C12orf42: variants seen among roughly 807,000 people sequenced by gnomAD.
C12orf42 encodes the protein chromosome 12 open reading frame 42.
In C12orf42, 25 loss-of-function variants were observed where a neutral mutation model predicts 21.6. The ratio of observed to expected loss-of-function variants is 1.16; its 90% CI spans 0.84 to 1.62. The LOEUF (loss-of-function observed/expected upper bound fraction) is 1.62. C12orf42 is among the 40% of genes most tolerant of loss of function. C12orf42 has a pLI of 0.00. For synonymous variants in C12orf42, 174 were observed against 175.0 expected, an observed-to-expected ratio of 0.99 and a Z score of 0.05; for missense variants, 483 against 459.3, an observed-to-expected ratio of 1.05 and a Z score of -0.47.
intron 3 of C12orf42, among the ~76,000 whole-genome samples, 163 bp downstream of exon 3, chr12:103,401,444 A>G (rs2047982626): frequency 6.6e-6 from 1 of 152,208 alleles, no homozygotes; most frequent in East Asian, 1.9e-4. Flanking sequence ...AAAGTTTTCT[A>G]GGAAATGTCT....
intron 4 of C12orf42, among the ~76,000 whole-genome samples, chr12:103,292,200 A>C (rs1430479561): frequency 6.6e-6 from 1 of 152,158 alleles, no homozygotes; most frequent in Non-Finnish European, 1.5e-5. Context: ...CATTCATATT[A>C]AATGTCCAGA....
chr12:103,279,199 G>C (rs2035954505), intron 4 of C12orf42, among the ~76,000 whole-genome samples: 1 of 152,136 alleles, frequency 6.6e-6, no homozygotes, highest in Non-Finnish European at 1.5e-5. Flanking sequence ...ATGCTCTTAA[G>C]AAGGTAGATC....
intron 2 of C12orf42, among the ~76,000 whole-genome samples, chr12:103,434,634 G>A (rs1400328565): frequency 2.0e-5 from 3 of 148,080 alleles, no homozygotes; most frequent in Non-Finnish European, 4.4e-5. Context: ...CAAAGAAAGG[G>A]GTGACTGACG....
At chr12:103,518,928 T>C in the C12orf42 span, among the ~76,000 whole-genome samples, 1 of 152,168 alleles carries the variant, frequency 6.6e-6, no homozygotes, top group African/African-American at 2.4e-5. Context: ...CTGCATTTAG[T>C]TGATATGGTG....
chr12:103,081,631 G>T, the C12orf42 span: 1 of 152,152 alleles, frequency 6.6e-6, no homozygotes, highest in Non-Finnish European at 1.5e-5. Flanking sequence ...GTTTGTCTGG[G>T]TATAGAATTT....
At chr12:103,079,905 T>C in the C12orf42 span, among the ~76,000 whole-genome samples, 4 of 152,208 alleles carry the variant, frequency 2.6e-5, no homozygotes, top group African/African-American at 4.8e-5. Flanking sequence ...TCAATGATGG[T>C]AAATAAATGT....
rs147159223 is a variant in C12orf42 at position 103,402,410 on chromosome 12, A to G, written c.79-735T>C. Among the ~76,000 whole-genome samples, 449 of 152,300 alleles carry G rather than the reference A, an allele frequency of 2.9e-3. 1 individual carries two copies. Among genetic ancestry groups the G allele is most frequent in the African/African-American group, 0.01 (422 of 41,564 alleles). ...TTTGTTTTCAGACTTCTGGTTTTCA[A>G]TTTGGTGCTTTTTATTTATTTAGTC... On this transcript the variant is annotated intron_variant, in intron 2 of 5. Transcript: ENST00000548883.
At chr12:103,141,832 A>G in the C12orf42 span, among the ~76,000 whole-genome samples, 5 of 152,162 alleles carry the variant, frequency 3.3e-5, no homozygotes, top group African/African-American at 1.2e-4. Context: ...ACCCAGCCAT[A>G]ATAAAACAAT....
the C12orf42 span, among the ~76,000 whole-genome samples, chr12:103,158,330 T>C: frequency 8.5e-4 from 130 of 152,308 alleles, no homozygotes; most frequent in African/African-American, 2.9e-3. Context: ...GGTCTGTTTC[T>C]CACAAAAATG....
chr12:103,253,148 C>G (rs2034391390), intron 10 of C12orf42, among the ~76,000 whole-genome samples: 1 of 152,128 alleles, frequency 6.6e-6, no homozygotes, highest in South Asian at 2.1e-4. Context: ...GGCCTCTGTT[C>G]TGTTCCGTTG....
the C12orf42 span, among the ~76,000 whole-genome samples, chr12:103,542,277 T>C: frequency 6.6e-6 from 1 of 152,240 alleles, no homozygotes; most frequent in East Asian, 1.9e-4. Flanking sequence ...AGTATGAACA[T>C]GAGTGGTGCG....
chr12:103,216,531 G>A, the C12orf42 span, among the ~76,000 whole-genome samples: 7 of 151,726 alleles, frequency 4.6e-5, no homozygotes, highest in Non-Finnish European at 1.0e-4. Flanking sequence ...CTGCCACCAC[G>A]CCTGGCTAAT....
At chr12:103,253,365 G>A (rs984729102) in intron 10 of C12orf42, among the ~76,000 whole-genome samples, 2 of 152,086 alleles carry the variant, frequency 1.3e-5, no homozygotes, top group East Asian at 3.8e-4. Context: ...AGCTTGATAG[G>A]AACAGCATTA....
the C12orf42 span, among the ~76,000 whole-genome samples, chr12:103,561,620 C>T: frequency 5.3e-5 from 8 of 152,184 alleles, no homozygotes; most frequent in Admixed American, 2.0e-4. Context: ...AGGATTTCAA[C>T]GTATGAATCT....
the C12orf42 span, among the ~76,000 whole-genome samples, chr12:103,151,633 CA>C: frequency 6.6e-6 from 1 of 151,384 alleles, no homozygotes; most frequent in African/African-American, 2.4e-5. Flanking sequence ...GTAAATCACA[CA>C]AAAAAAGAAA....
At chr12:103,072,018 C>G in the C12orf42 span, among the ~76,000 whole-genome samples, 1 of 152,144 alleles carries the variant, frequency 6.6e-6, no homozygotes, top group Non-Finnish European at 1.5e-5. Flanking sequence ...TCTATCTGTT[C>G]CTGCTAACAT....
chr12:103,258,522 A>T (rs917412173), intron 10 of C12orf42, among the ~76,000 whole-genome samples: 1 of 151,826 alleles, frequency 6.6e-6, no homozygotes, highest in Non-Finnish European at 1.5e-5. Flanking sequence ...TTTTTGATTT[A>T]TATATATATG....
chr12:103,486,841 T>C (rs969952363), intron 1 of C12orf42, among the ~76,000 whole-genome samples: 4 of 152,248 alleles, frequency 2.6e-5, no homozygotes, highest in South Asian at 4.1e-4. Flanking sequence ...TCTATTTGAT[T>C]CTTCTCTCTT....
the C12orf42 span, among the ~76,000 whole-genome samples, chr12:103,562,752 C>A: frequency 6.6e-6 from 1 of 152,202 alleles, no homozygotes; most frequent in East Asian, 1.9e-4. Flanking sequence ...GGGATAGGCC[C>A]TTCCTCAGAA....
Sources: allele counts gnomAD v4.1 joint callset (sites outside exome capture counted in the v4.1 genomes callset), GRCh38; gene constraint gnomAD v4.1.1; transcripts MANE v1.5; gene names NCBI Gene and HGNC (gene_info 2026-07-23, HGNC 2026-07-21).